Variants in AGO2 observed in about 807,000 individuals in gnomAD.
AGO2 encodes the protein argonaute RISC catalytic component 2.
AGO2 carries 5 observed loss-of-function variants against 102.3 expected under a neutral mutation model. That is an observed-to-expected ratio of 0.05 (90% CI 0.03 to 0.10). AGO2 has a LOEUF of 0.10. AGO2 is among the 10% of genes least tolerant of loss of function. The pLI is 1.00. For missense variants in AGO2, 541 were observed against 1,183.7 expected (o/e 0.46, Z 7.97); for synonymous variants, 449 against 473.1 (o/e 0.95, Z 0.66).
At chr8:140,533,940 C>T (rs562046409) in intron 17 of AGO2, among the ~76,000 whole-genome samples, 1 of 152,364 alleles carries the variant, frequency 6.6e-6, no homozygotes, top group South Asian at 2.1e-4. Context: ...CAGCTGCTGA[C>T]TGCAGGCCTC....
intron 1 of AGO2, among the ~76,000 whole-genome samples, chr8:140,604,808 C>G (rs2073975018): frequency 6.8e-6 from 1 of 146,780 alleles, no homozygotes; most frequent in Non-Finnish European, 1.5e-5. Flanking sequence ...GCCTGGGCGA[C>G]AGAGCGAGAC....
At chr8:140,576,017 T>G (rs748392065) in intron 2 of AGO2, among the ~76,000 whole-genome samples, 9 of 152,040 alleles carry the variant, frequency 5.9e-5, no homozygotes, top group Non-Finnish European at 1.2e-4. Flanking sequence ...AGAGGCACCA[T>G]TATAAAAATG....
chr8:140,603,168 G>A (rs2073954116), intron 1 of AGO2, among the ~76,000 whole-genome samples: 1 of 152,186 alleles, frequency 6.6e-6, no homozygotes. Flanking sequence ...CGGCGTGGCG[G>A]AGATTAAAGA....
chr8:140,579,659 T>C (rs1417254844), intron 2 of AGO2, among the ~76,000 whole-genome samples: 5 of 151,780 alleles, frequency 3.3e-5, no homozygotes, highest in Non-Finnish European at 7.4e-5. Flanking sequence ...ATGGTGTCTT[T>C]TGTTGTTCTT....
At chr8:140,602,293 T>A (rs1049971902) in intron 1 of AGO2, among the ~76,000 whole-genome samples, 1 of 152,180 alleles carries the variant, frequency 6.6e-6, no homozygotes, top group South Asian at 2.1e-4. Flanking sequence ...CCAGCCTACA[T>A]AGCTATAAGG....
In AGO2 at chr8:140,539,618, C is replaced by T. The variant is rs2072759518; in HGVS notation, c.2035-164G>A. Among the ~76,000 whole-genome samples the T allele has an allele frequency of 6.6e-6, 1 of 152,214 alleles. No individual in the cohort carries two copies. The highest frequency in any genetic ancestry group is 1.5e-5 in the Non-Finnish European group (1 of 68,042). ...AACACGGGGGCAGAAACCATCCTCTCTGCAGGGAGGACTGGATGCAGGAAG... is the reference window on the plus strand; with the variant it reads ...AACACGGGGGCAGAAACCATCCTCTTTGCAGGGAGGACTGGATGCAGGAAG... On this transcript the variant is annotated intron_variant, in intron 15 of 18. Transcript: ENST00000220592. This position sits in a 1 kb window ranked among gnomAD's most constrained non-coding sequence, Gnocchi z 4.7.
In AGO2 at chr8:140,535,498, G is replaced by T; in HGVS notation, c.2241C>A (p.Asp747Glu). 1 of 1,614,242 alleles carries T rather than the reference G, an allele frequency of 6.2e-7. No homozygotes were observed. The highest frequency in any genetic ancestry group is 8.5e-7 in the Non-Finnish European group (1 of 1,180,032). Reference protein sequence around the residue: ...DTKITHPTEFDFYLCSHAGIQ... With the variant: ...DTKITHPTEFEFYLCSHAGIQ... Reference sequence around the variant, plus strand: ...TGCCAGCGTGACTACACAGGTAGAAGTCGAACTCGGTGGGGTGGGTGATTT... The same window carrying T: ...TGCCAGCGTGACTACACAGGTAGAATTCGAACTCGGTGGGGTGGGTGATTT... Residue 747 changes from aspartate to glutamate, a missense_variant, in exon 17 of 19, where the codon GAC becomes GAA. Physicochemically the swap from Asp to Glu is conservative, Grantham distance 45 (BLOSUM62 2). Coordinates refer to ENST00000220592, the MANE Select transcript of AGO2 (RefSeq NM_012154.5).
Position 140,557,340 on chromosome 8 carries a change from ACATT to A in AGO2, c.879-108_879-105del, listed in dbSNP as rs1360655334. 14 of 1,383,336 alleles carry A rather than the reference ACATT, an allele frequency of 1.0e-5. No homozygotes were observed. The highest frequency in any genetic ancestry group is 2.7e-4 in the Middle Eastern group (1 of 3,692). 85.7% of individuals were successfully genotyped at this position (1,383,336 alleles called of 1,614,324 possible). On this transcript the variant is annotated intron_variant, in intron 7 of 18. Transcript: ENST00000220592. The surrounding 1 kb of genome is among the most constrained non-coding windows in gnomAD (Gnocchi z 5.9). ...TTTTAGGGTGACGTGTGAGGAGCAA[ACATT>A]CAGAGCACTTCCGGGAGTGAAAACC... is the stretch of plus-strand genomic sequence containing the variant.
chr8:140,604,602 G>A (rs1359469488), intron 1 of AGO2, among the ~76,000 whole-genome samples: 1 of 152,172 alleles, frequency 6.6e-6, no homozygotes, highest in East Asian at 1.9e-4. Flanking sequence ...CGAGATGGGT[G>A]TATCATGAGG....
chr8:140,630,492 G>A (rs748288389), intron 1 of AGO2, among the ~76,000 whole-genome samples: 1 of 152,222 alleles, frequency 6.6e-6, no homozygotes, highest in African/African-American at 2.4e-5. Flanking sequence ...TTAGAATAGT[G>A]GCTACAGCGA....
chr8:140,535,121 C>G (rs1037656907), intron 17 of AGO2, among the ~76,000 whole-genome samples: 1 of 152,246 alleles, frequency 6.6e-6, no homozygotes, highest in Non-Finnish European at 1.5e-5. Context: ...GCCCAGTGGC[C>G]TTCCAGCTTC....
chr8:140,609,206 G>T (rs2074043338), intron 1 of AGO2, among the ~76,000 whole-genome samples: 1 of 152,238 alleles, frequency 6.6e-6, no homozygotes, highest in Admixed American at 6.5e-5. Context: ...AGAGAGGACT[G>T]CGGGATCCTC....
chr8:140,593,202 C>CT (rs150164263), intron 1 of AGO2: 13,536 of 151,656 alleles, frequency 0.089, 678 homozygotes, highest in Non-Finnish European at 0.12. Flanking sequence ...TAGACCAAAA[C>CT]TTTTTTTTTG....
Position 140,567,027 on chromosome 8 carries a change from A to G in AGO2, c.337-4393T>C, listed in dbSNP as rs1293242398. ...GGCAACAGCACTCGGCATCCAGCCT[A>G]CAGTGCTGTGCCCTGGCACGGATCG... is the stretch of plus-strand genomic sequence containing the variant. On this transcript the variant is annotated intron_variant, in intron 3 of 18. Coordinates refer to ENST00000220592, the MANE Select transcript of AGO2 (RefSeq NM_012154.5). This position sits in a 1 kb window ranked among gnomAD's most constrained non-coding sequence, Gnocchi z 5.0. Among the ~76,000 whole-genome samples, 2 of 152,266 alleles carry G rather than the reference A, an allele frequency of 1.3e-5. No individual in the cohort carries two copies. The highest frequency in any genetic ancestry group is 1.5e-5 in the Non-Finnish European group (1 of 68,046).
intron 17 of AGO2, among the ~76,000 whole-genome samples, chr8:140,533,175 G>T (rs1206024794): frequency 6.7e-6 from 1 of 148,310 alleles, no homozygotes; most frequent in African/African-American, 2.5e-5. Flanking sequence ...AGATCACAAG[G>T]TCAGGAGATC....
intron 1 of AGO2, among the ~76,000 whole-genome samples, chr8:140,590,031 G>A (rs573426908): frequency 8.5e-4 from 129 of 152,332 alleles, no homozygotes; most frequent in Middle Eastern, 3.4e-3. Flanking sequence ...GAATGCAGTC[G>A]GAACATCTGC....
chr8:140,619,411 A>C (rs1001125316), intron 1 of AGO2, among the ~76,000 whole-genome samples: 3 of 152,210 alleles, frequency 2.0e-5, no homozygotes, highest in Admixed American at 2.0e-4. Context: ...TAAAACGACA[A>C]TGCGGCCCAG....
intron 1 of AGO2, among the ~76,000 whole-genome samples, chr8:140,595,193 T>G (rs936716692): frequency 1.3e-5 from 2 of 152,158 alleles, no homozygotes; most frequent in African/African-American, 4.8e-5. Flanking sequence ...ATGGGTTAAA[T>G]GAACTGTGAG....
chr8:140,544,820 G>A (rs1261001100), intron 13 of AGO2, among the ~76,000 whole-genome samples: 1 of 152,216 alleles, frequency 6.6e-6, no homozygotes, highest in Non-Finnish European at 1.5e-5. Context: ...GCGTCCCCTG[G>A]CAGCAAAACC....
Sources: gnomAD v4.1 joint callset for allele counts (sites outside exome capture counted in the v4.1 genomes callset) on GRCh38, gnomAD v4.1.1 for gene constraint, Gnocchi (gnomAD v3.1) non-coding constraint, MANE v1.5 for transcripts, NCBI Gene and HGNC (gene_info 2026-07-23, HGNC 2026-07-21) for gene names.